The following USP37 variants were observed in gnomAD, a reference collection of about 807,000 sequenced individuals.
USP37 encodes the protein ubiquitin specific peptidase 37, also known as ubiquitin carboxyl-terminal hydrolase 37.
Under a neutral mutation model 124.0 loss-of-function variants are expected in USP37, and 27 were observed. The ratio of observed to expected loss-of-function variants is 0.22; its 90% CI spans 0.16 to 0.30. USP37 has a LOEUF of 0.30. USP37 is among the 10% of genes least tolerant of loss of function. USP37 has a pLI of 1.00. For synonymous variants in USP37, 365 were observed against 388.0 expected (o/e 0.94, Z 0.70); for missense variants, 889 against 1,140.4 (o/e 0.78, Z 3.17).
intron 10 of USP37, among the ~76,000 whole-genome samples, chr2:218,527,349 T>C (rs1474441807): frequency 6.6e-6 from 1 of 152,228 alleles, no homozygotes; most frequent in Non-Finnish European, 1.5e-5. Flanking sequence ...CACTCTGGTT[T>C]ACTAGCTCAA....
chr2:218,474,546 C>T (rs1559169941), intron 20 of USP37, 84 bp downstream of exon 20: 3 of 1,543,598 alleles, frequency 1.9e-6, no homozygotes, highest in Middle Eastern at 1.7e-4. Context: ...ATTTATCTCC[C>T]GTTATTTGGA....
chr2:218,454,134 T>C lies in USP37; in HGVS notation c.*796A>G, dbSNP rs1182469960. ...CCACCATAATAATGATGATGATATA[T>C]GATGAACATACTGTGTGAAGAAATC... On this transcript the variant is annotated 3_prime_UTR_variant, in exon 26 of 26. Transcript: ENST00000258399. 4 of 152,634 alleles carry C rather than the reference T, an allele frequency of 2.6e-5. No homozygotes were observed. Among genetic ancestry groups the C allele is most frequent in the African/African-American group, 9.6e-5 (4 of 41,458 alleles). The allele number at this position is 152,634 out of a possible 1,614,324, so 9.5% of individuals were successfully genotyped here.
chr2:218,485,218 A>G (rs921455363), intron 16 of USP37, among the ~76,000 whole-genome samples: 2 of 152,188 alleles, frequency 1.3e-5, no homozygotes, highest in African/African-American at 4.8e-5. Flanking sequence ...TAATTATTCC[A>G]AAGTCTCAGC....
intron 10 of USP37, among the ~76,000 whole-genome samples, chr2:218,516,814 C>T (rs557441552): frequency 1.8e-4 from 28 of 152,260 alleles, no homozygotes; most frequent in African/African-American, 5.8e-4. Flanking sequence ...AATGTATGTA[C>T]GTGTGTAACC....
intron 11 of USP37, among the ~76,000 whole-genome samples, chr2:218,503,858 A>G (rs1350390495): frequency 6.6e-6 from 1 of 152,234 alleles, no homozygotes; most frequent in Non-Finnish European, 1.5e-5. Context: ...GATGGAACAA[A>G]TAGAAGACAA....
At chr2:218,543,191 T>A (rs1692081130) in intron 8 of USP37, among the ~76,000 whole-genome samples, 1 of 152,086 alleles carries the variant, frequency 6.6e-6, no homozygotes, top group African/African-American at 2.4e-5. Context: ...GCTAATCAGC[T>A]TGCAATCAGT....
intron 8 of USP37, among the ~76,000 whole-genome samples, chr2:218,535,183 G>A (rs1230707866): frequency 6.6e-6 from 1 of 151,412 alleles, no homozygotes; most frequent in Non-Finnish European, 1.5e-5. Context: ...GGCCAACATA[G>A]TGAAACCCCG....
chr2:218,517,260 C>A (rs542049370), intron 10 of USP37, among the ~76,000 whole-genome samples: 18 of 152,212 alleles, frequency 1.2e-4, no homozygotes, highest in African/African-American at 3.4e-4. Flanking sequence ...TCATTTAAAC[C>A]CAACAAGATA....
At chr2:218,466,915 G>A (rs1390097497) in intron 20 of USP37, among the ~76,000 whole-genome samples, 1 of 151,872 alleles carries the variant, frequency 6.6e-6, no homozygotes, top group East Asian at 1.9e-4. Flanking sequence ...TGTTTTAGTA[G>A]AGATGAGGTT....
intron 21 of USP37, among the ~76,000 whole-genome samples, chr2:218,464,683 C>T (rs775434856): frequency 1.3e-5 from 2 of 152,210 alleles, no homozygotes; most frequent in Non-Finnish European, 2.9e-5. Context: ...AAAATCAGAC[C>T]TGTAAGTCAG....
At chr2:218,505,746 A>G (rs1390720017) in intron 11 of USP37, among the ~76,000 whole-genome samples, 2 of 152,194 alleles carry the variant, frequency 1.3e-5, no homozygotes, top group Non-Finnish European at 2.9e-5. Flanking sequence ...TAATAGTTGT[A>G]CTAAGATATG....
Position 218,451,071 on chromosome 2 carries a change from T to C in USP37, c.*3859A>G, listed in dbSNP as rs1689464633. 6.6e-6 allele frequency: 1 copy of C among 152,192 alleles called. No homozygotes were observed. Among genetic ancestry groups the C allele is most frequent in the Non-Finnish European group, 1.5e-5 (1 of 68,038 alleles). 9.4% of individuals were successfully genotyped at this position (152,192 alleles called of 1,614,324 possible). On this transcript the variant is annotated 3_prime_UTR_variant, in exon 26 of 26. Coordinates refer to ENST00000258399, the MANE Select transcript of USP37 (RefSeq NM_020935.3). ...TTAGAATTTTCCAATAAAAAATATA[T>C]ATTTTTTCAGATGTTAATAAGACAT...
intron 11 of USP37, among the ~76,000 whole-genome samples, chr2:218,503,429 A>G (rs1208316098): frequency 6.6e-6 from 1 of 152,254 alleles, no homozygotes; most frequent in African/African-American, 2.4e-5. Context: ...ACATAGAAGT[A>G]AAATGGGCTG....
intron 20 of USP37, among the ~76,000 whole-genome samples, chr2:218,466,554 T>A (rs1379846763): frequency 6.6e-6 from 1 of 152,070 alleles, no homozygotes; most frequent in Admixed American, 6.6e-5. Flanking sequence ...GAACAAATGA[T>A]CTACAGTGAT....
chr2:218,460,669 G>A (rs1689967109), intron 22 of USP37, among the ~76,000 whole-genome samples: 1 of 152,086 alleles, frequency 6.6e-6, no homozygotes, highest in Admixed American at 6.6e-5. Flanking sequence ...TTGGCCGAGT[G>A]TGGTGGCTTA....
At chr2:218,521,271 T>C (rs1254682629) in intron 10 of USP37, among the ~76,000 whole-genome samples, 1 of 152,208 alleles carries the variant, frequency 6.6e-6, no homozygotes, top group Non-Finnish European at 1.5e-5. Context: ...AACAGACTAA[T>C]ACAATAGGCT....
At chr2:218,519,856 G>C (rs1306030654) in intron 10 of USP37, among the ~76,000 whole-genome samples, 1 of 151,360 alleles carries the variant, frequency 6.6e-6, no homozygotes, top group Non-Finnish European at 1.5e-5. Context: ...ACCCACCTGA[G>C]GCTCCCAAAG....
chr2:218,470,095 C>G (rs990235952), intron 20 of USP37, among the ~76,000 whole-genome samples: 6 of 152,188 alleles, frequency 3.9e-5, no homozygotes, highest in African/African-American at 1.4e-4. Flanking sequence ...GCTGGGATTA[C>G]AGGCGTGAGC....
rs1404776748 is a variant in USP37 at position 218,452,681 on chromosome 2, CATGAAAGCT to C, written c.*2240_*2248del. On this transcript the variant is annotated 3_prime_UTR_variant, in exon 26 of 26. Transcript: ENST00000258399. ...TAAGTGTACTTCTAAACCATACACA[CATGAAAGCT>C]ATGAAAGCAATTCAAATGAGGCTGC... 6.6e-6 allele frequency: 1 copy of C among 152,190 alleles called. No homozygotes were observed. Among genetic ancestry groups the C allele is most frequent in the African/African-American group, 2.4e-5 (1 of 41,450 alleles). 9.4% of individuals were successfully genotyped at this position (152,190 alleles called of 1,614,324 possible).
Sources: allele counts gnomAD v4.1 joint callset (sites outside exome capture counted in the v4.1 genomes callset), GRCh38; gene constraint gnomAD v4.1.1; transcripts MANE v1.5; gene names NCBI Gene and HGNC (gene_info 2026-07-23, HGNC 2026-07-21).